The following ATP6V0A1 variants were observed in gnomAD, a reference collection of about 807,000 sequenced individuals.
ATP6V0A1 encodes the protein V-type proton ATPase 116 kDa subunit a 1.
In ATP6V0A1, 43 loss-of-function variants were observed where a neutral mutation model predicts 105.4. That is an observed-to-expected ratio of 0.41 (90% CI 0.32 to 0.53). ATP6V0A1 has a LOEUF of 0.53. Among genes scored for constraint, ATP6V0A1 ranks in the 20% least tolerant of loss-of-function variants. The probability of loss-of-function intolerance (pLI) is 0.30; values close to 1 mark genes in which losing one functional copy is unlikely to be tolerated. For missense variants in ATP6V0A1, 676 were observed against 1,051.1 expected (o/e 0.64, Z 4.93); for synonymous variants, 362 against 372.8 (o/e 0.97, Z 0.33).
At chr17:42,504,669 TAAAAC>T (rs1235896298) in intron 17 of ATP6V0A1, among the ~76,000 whole-genome samples, 3 of 152,262 alleles carry the variant, frequency 2.0e-5, no homozygotes, top group South Asian at 4.2e-4. Context: ...CTTAGGGTAT[TAAAAC>T]AAATAAGTGG....
At chr17:42,517,110 T>C (rs1399181294) in intron 21 of ATP6V0A1, among the ~76,000 whole-genome samples, 1 of 152,058 alleles carries the variant, frequency 6.6e-6, no homozygotes, top group Non-Finnish European at 1.5e-5. Context: ...TGAAACCCCA[T>C]CTCTACTAAA....
At chr17:42,482,803 A>G (rs1334817645) in intron 8 of ATP6V0A1, among the ~76,000 whole-genome samples, 1 of 151,530 alleles carries the variant, frequency 6.6e-6, no homozygotes, top group Admixed American at 6.6e-5. Flanking sequence ...AGGCTGAGGC[A>G]GAAGAATCAC....
rs775211788 is a variant in ATP6V0A1 at position 42,499,038 on chromosome 17, C to T, written c.1675C>T (p.His559Tyr). 1 of 1,588,598 alleles carries T rather than the reference C, an allele frequency of 6.3e-7. No homozygotes were observed. Among genetic ancestry groups the T allele is most frequent in the East Asian group, 2.2e-5 (1 of 44,736 alleles). The change falls in exon 15 of 22, where the codon CAT becomes TAT. Residue 559 changes from histidine to tyrosine, a missense_variant. Transcript: ENST00000343619. ...TGGAGTCAGCCTGAGTCTGTTCAACCATATGTGAGTTGTTCCATTTCTGTC... is the reference window on the plus strand; with the variant it reads ...TGGAGTCAGCCTGAGTCTGTTCAACTATATGTGAGTTGTTCCATTTCTGTC... ...LFGVSLSLFN[H>Y]IYFKKPLNIY...
rs143495090 is a variant in ATP6V0A1, at chr17:42,464,539, A to C, written c.118-1890A>C. ...TGCCTCAGCCTTCCAAGTAGCTGGGATTACAGGTGCCCGCTGCCACTCCCG... is the reference window on the plus strand; with the variant it reads ...TGCCTCAGCCTTCCAAGTAGCTGGGCTTACAGGTGCCCGCTGCCACTCCCG... On this transcript the variant is annotated intron_variant, in intron 2 of 21. Coordinates refer to ENST00000343619, the MANE Select transcript of ATP6V0A1 (RefSeq NM_001130021.3). Among the ~76,000 whole-genome samples, 187 of 151,844 alleles carry C rather than the reference A, an allele frequency of 1.2e-3. 2 individuals carry two copies. The highest frequency in any genetic ancestry group is 2.0e-3 in the Non-Finnish European group (139 of 67,968).
intron 18 of ATP6V0A1, among the ~76,000 whole-genome samples, chr17:42,508,315 C>G (rs375030075): frequency 6.6e-6 from 1 of 152,234 alleles, no homozygotes; most frequent in East Asian, 1.9e-4. Flanking sequence ...TTCAGTCTGT[C>G]TGACCACTTT....
At chr17:42,512,145 G>A (rs1235069248) in intron 19 of ATP6V0A1, among the ~76,000 whole-genome samples, 4 of 152,138 alleles carry the variant, frequency 2.6e-5, no homozygotes, top group Non-Finnish European at 4.4e-5. Flanking sequence ...CGATTGATAC[G>A]GGCGTGTGCT....
intron 9 of ATP6V0A1, among the ~76,000 whole-genome samples, chr17:42,484,598 A>G (rs2089913085): frequency 6.6e-6 from 1 of 152,098 alleles, no homozygotes; most frequent in Non-Finnish European, 1.5e-5. Flanking sequence ...GTTTTGCCAA[A>G]TTGCAGTAAG....
chr17:42,514,004 A>G, intron 20 of ATP6V0A1, 26 bp downstream of exon 20: 1 of 1,601,218 alleles, frequency 6.2e-7, no homozygotes, highest in Admixed American at 1.7e-5. Context: ...CGGGCTCCGG[A>G]ACTCTAGTTT....
At chr17:42,474,300 C>T (rs1004780350) in intron 5 of ATP6V0A1, among the ~76,000 whole-genome samples, 4 of 151,940 alleles carry the variant, frequency 2.6e-5, no homozygotes, top group African/African-American at 9.7e-5. Flanking sequence ...CGCACCCAGC[C>T]TCCCCCTCCT....
chr17:42,503,384 T>C (rs1259176427), intron 17 of ATP6V0A1, among the ~76,000 whole-genome samples: 1 of 152,230 alleles, frequency 6.6e-6, no homozygotes, highest in Non-Finnish European at 1.5e-5. Flanking sequence ...TGTGAGAAAC[T>C]CAGAAGACCT....
intron 18 of ATP6V0A1, 40 bp from the exon 19 acceptor site, chr17:42,508,532 T>C (rs202061235): frequency 1.5e-4 from 247 of 1,613,634 alleles, no homozygotes; most frequent in Non-Finnish European, 2.0e-4. Flanking sequence ...ACCTTGTGTG[T>C]GGCGTGGCTC....
chr17:42,476,445 AAAAACT>A (rs1187975204), intron 5 of ATP6V0A1, among the ~76,000 whole-genome samples: 1 of 152,150 alleles, frequency 6.6e-6, no homozygotes, highest in Non-Finnish European at 1.5e-5. Context: ...AATGATAGAG[AAAAACT>A]CTTCTGATTT....
chr17:42,475,021 A>G (rs1459731132), intron 5 of ATP6V0A1, among the ~76,000 whole-genome samples: 3 of 152,338 alleles, frequency 2.0e-5, no homozygotes, highest in South Asian at 2.1e-4. Flanking sequence ...ATCTTTTACC[A>G]TAAGCACCAT....
intron 15 of ATP6V0A1, 22 bp downstream of exon 15, chr17:42,499,064 A>G: frequency 6.6e-7 from 1 of 1,504,544 alleles, no homozygotes; most frequent in Non-Finnish European, 9.2e-7. Context: ...CATTTCTGTC[A>G]TAAGAATGTG....
intron 8 of ATP6V0A1, 105 bp downstream of exon 8, chr17:42,480,854 C>T (rs1450727547): frequency 1.0e-5 from 10 of 965,768 alleles, no homozygotes; most frequent in Non-Finnish European, 1.5e-5. Flanking sequence ...TCTACCTCAA[C>T]ACAGTTAATT....
At chr17:42,519,988 CCTT>C (rs1337037016) in intron 21 of ATP6V0A1, 2 of 163,948 alleles carry the variant, frequency 1.2e-5, no homozygotes, top group African/African-American at 2.4e-5. Flanking sequence ...TTAATTCCTG[CCTT>C]CTTGGCTTGG....
intron 7 of ATP6V0A1, among the ~76,000 whole-genome samples, chr17:42,480,104 A>C (rs1196010176): frequency 6.6e-6 from 1 of 152,080 alleles, no homozygotes; most frequent in Middle Eastern, 3.2e-3. Context: ...CACACCATAC[A>C]CCTTTTTTTC....
At position 42,507,528 on chromosome 17, in the gene ATP6V0A1, C is replaced by T; in HGVS notation, c.2013C>T (p.Leu671=). 6.2e-7 allele frequency: 1 copy of T among 1,611,348 alleles called. No homozygotes were observed. Among genetic ancestry groups the T allele is most frequent in the Non-Finnish European group, 8.5e-7 (1 of 1,177,960 alleles). ...QYLRRKHLGT[L]NFGGIRVGNG... ...TCTGTTCATCTGTGTAGGGAACTCTCAACTTTGGTGGGATCAGGGTGGGCA... is the reference window on the plus strand; with the variant it reads ...TCTGTTCATCTGTGTAGGGAACTCTTAACTTTGGTGGGATCAGGGTGGGCA... The change falls in exon 18 of 22, where the codon CTC becomes CTT. Residue 671 remains leucine (L), a synonymous_variant. Transcript: ENST00000343619.
chr17:42,495,753 T>C, intron 14 of ATP6V0A1, 37 bp downstream of exon 14: 2 of 1,492,436 alleles, frequency 1.3e-6, no homozygotes, highest in Non-Finnish European at 9.3e-7. Flanking sequence ...AACCTCAAAT[T>C]TTTTAACACT....
Sources: gnomAD v4.1 joint callset for allele counts (sites outside exome capture counted in the v4.1 genomes callset) on GRCh38, gnomAD v4.1.1 for gene constraint, MANE v1.5 for transcripts, NCBI Gene and HGNC (gene_info 2026-07-23, HGNC 2026-07-21) for gene names.